SLC35F4: variants seen among roughly 807,000 people sequenced by gnomAD.
SLC35F4 encodes chromosome 14 open reading frame 36.
In SLC35F4, 24 loss-of-function variants were observed where a neutral mutation model predicts 44.2. That is an observed-to-expected ratio of 0.54 (90% confidence interval 0.39 to 0.76). The LOEUF (loss-of-function observed/expected upper bound fraction) is 0.76. SLC35F4 is among the 30% of genes least tolerant of loss of function. SLC35F4 has a pLI of 0.00. For synonymous variants in SLC35F4, 238 were observed against 223.6 expected (o/e 1.06, Z -0.57); for missense variants, 562 against 586.1 (o/e 0.96, Z 0.42).
intron 1 of SLC35F4, among the ~76,000 whole-genome samples, chr14:57,899,623 T>C (rs1409728978): frequency 6.6e-6 from 1 of 152,178 alleles, no homozygotes; most frequent in Admixed American, 6.5e-5. Flanking sequence ...CTTGTGAAAC[T>C]AGCAAACCCA....
chr14:57,723,109 T>C lies in SLC35F4; in HGVS notation c.104-128985A>G, dbSNP rs113934838. Reference sequence around the variant, plus strand: ...TGATTCCAGGGGACCCAAAACATCATTGTGGTCCTCCAGTTAAAGTAGGGG... The same window carrying C: ...TGATTCCAGGGGACCCAAAACATCACTGTGGTCCTCCAGTTAAAGTAGGGG... On this transcript the variant is annotated intron_variant, in intron 1 of 7. Transcript: ENST00000556826. Among the ~76,000 whole-genome samples, 1,004 of 152,272 alleles carry C rather than the reference T, an allele frequency of 6.6e-3. 6 individuals carry two copies. Among genetic ancestry groups the C allele is most frequent in the African/African-American group, 0.022 (928 of 41,544 alleles).
chr14:57,782,539 A>T (rs1386116218), intron 1 of SLC35F4, among the ~76,000 whole-genome samples: 1 of 152,238 alleles, frequency 6.6e-6, no homozygotes. Flanking sequence ...TGGTGTTTGC[A>T]GTTAAGAGCA....
chr14:57,668,547 A>G (rs2074399649), intron 1 of SLC35F4, among the ~76,000 whole-genome samples: 2 of 152,230 alleles, frequency 1.3e-5, no homozygotes, highest in East Asian at 1.9e-4. Flanking sequence ...CTTTCTGCAT[A>G]TGGCTAGCCA....
At chr14:57,898,442 G>T (rs555510889) in intron 1 of SLC35F4, among the ~76,000 whole-genome samples, 1 of 152,336 alleles carries the variant, frequency 6.6e-6, no homozygotes, top group East Asian at 1.9e-4. Flanking sequence ...GAAATAGAAA[G>T]TTAATAACTA....
intron 1 of SLC35F4, among the ~76,000 whole-genome samples, chr14:57,642,950 T>C (rs919647580): frequency 5.3e-5 from 8 of 152,118 alleles, no homozygotes; most frequent in Admixed American, 3.3e-4. Flanking sequence ...CCTCTTCTTG[T>C]TATAGGACAT....
At chr14:57,591,605 A>C (rs1006064451) in intron 2 of SLC35F4, among the ~76,000 whole-genome samples, 1 of 152,146 alleles carries the variant, frequency 6.6e-6, no homozygotes, top group African/African-American at 2.4e-5. Flanking sequence ...CCAAGATTGA[A>C]CCCAACTGAA....
intron 1 of SLC35F4, among the ~76,000 whole-genome samples, chr14:57,804,961 G>C (rs541135148): frequency 1.3e-5 from 2 of 152,098 alleles, no homozygotes; most frequent in East Asian, 3.9e-4. Flanking sequence ...GTAGGCAATG[G>C]ACATGAACAG....
At chr14:57,845,116 C>T (rs1885890922) in intron 1 of SLC35F4, among the ~76,000 whole-genome samples, 1 of 152,146 alleles carries the variant, frequency 6.6e-6, no homozygotes. Flanking sequence ...CTACTAAAAA[C>T]AAAGTGAAAG....
At chr14:57,697,872 A>G (rs1219765260) in intron 1 of SLC35F4, among the ~76,000 whole-genome samples, 1 of 152,190 alleles carries the variant, frequency 6.6e-6, no homozygotes, top group Non-Finnish European at 1.5e-5. Context: ...CAAATGGAGA[A>G]TCATACTGTA....
chr14:57,931,536 G>C (rs556682586), intron 1 of SLC35F4, among the ~76,000 whole-genome samples: 49 of 152,322 alleles, frequency 3.2e-4, no homozygotes, highest in African/African-American at 1.1e-3. Flanking sequence ...CATTAAAAAT[G>C]AGAAACTATA....
intron 1 of SLC35F4, among the ~76,000 whole-genome samples, chr14:57,607,476 C>G (rs1448657729): frequency 6.6e-6 from 1 of 152,178 alleles, no homozygotes; most frequent in African/African-American, 2.4e-5. Flanking sequence ...CCACAACTGC[C>G]AGGTAGATGG....
At chr14:57,565,278 G>A (rs1230589358) in intron 7 of SLC35F4, among the ~76,000 whole-genome samples, 1 of 152,114 alleles carries the variant, frequency 6.6e-6, no homozygotes, top group East Asian at 1.9e-4. Context: ...CACATGTACT[G>A]TTCTTTTTAG....
chr14:57,661,228 T>C (rs8011088), intron 1 of SLC35F4, among the ~76,000 whole-genome samples: 97,018 of 151,888 alleles, frequency 0.64, 31,430 homozygotes, highest in African/African-American at 0.74. Flanking sequence ...ACCTCCAAAT[T>C]AATCAAGAGT....
intron 1 of SLC35F4, among the ~76,000 whole-genome samples, chr14:57,670,552 A>T (rs563935000): frequency 1.3e-5 from 2 of 152,136 alleles, no homozygotes; most frequent in East Asian, 3.9e-4. Context: ...CGTTGGTTTC[A>T]AAGAACATCT....
intron 1 of SLC35F4, among the ~76,000 whole-genome samples, chr14:57,643,689 CA>C (rs1268703696): frequency 6.6e-6 from 1 of 152,080 alleles, no homozygotes; most frequent in Non-Finnish European, 1.5e-5. Flanking sequence ...CTTATGTATA[CA>C]TGTGCCATGC....
intron 1 of SLC35F4, among the ~76,000 whole-genome samples, chr14:57,715,809 G>A (rs1397385835): frequency 1.3e-5 from 2 of 152,126 alleles, no homozygotes; most frequent in Non-Finnish European, 2.9e-5. Flanking sequence ...AACTAGAAGA[G>A]GAGAGACAAA....
At chr14:57,878,757 A>G (rs1424349043) in intron 1 of SLC35F4, among the ~76,000 whole-genome samples, 1 of 152,076 alleles carries the variant, frequency 6.6e-6, no homozygotes, top group African/African-American at 2.4e-5. Context: ...TCACTATTGT[A>G]TTCCCAACAT....
At chr14:57,933,039 CTTTTTT>C (rs565156783) in intron 1 of SLC35F4, among the ~76,000 whole-genome samples, 1 of 137,500 alleles carries the variant, frequency 7.3e-6, no homozygotes, top group Non-Finnish European at 1.6e-5. Flanking sequence ...CTCCTATTTA[CTTTTTT>C]TTTTTTTTTT....
At chr14:57,873,437 T>A (rs1888335305) in intron 1 of SLC35F4, among the ~76,000 whole-genome samples, 1 of 152,134 alleles carries the variant, frequency 6.6e-6, no homozygotes, top group South Asian at 2.1e-4. Context: ...AGGAAAATGG[T>A]TTAGTAAATC....
Sources: allele counts gnomAD v4.1 joint callset (sites outside exome capture counted in the v4.1 genomes callset), GRCh38; gene constraint gnomAD v4.1.1; transcripts MANE v1.5; gene names NCBI Gene and HGNC (gene_info 2026-07-23, HGNC 2026-07-21).